The following PRRX2 variants were observed in gnomAD, a reference collection of about 807,000 sequenced individuals.
The protein encoded by PRRX2 is paired related homeobox 2.
PRRX2 carries 11 observed loss-of-function variants against 18.0 expected under a neutral mutation model. That is an observed-to-expected ratio of 0.61 (90% CI 0.39 to 1.01). The LOEUF is 1.01. Ranked by LOEUF, PRRX2 falls within the 50% of genes least tolerant of loss-of-function variation. The pLI is 0.01. For missense variants in PRRX2, 387 were observed against 351.0 expected (o/e 1.10, Z -0.82); for synonymous variants, 177 against 154.8 (o/e 1.14, Z -1.06).
At chr9:129,674,317 A>G (rs1199179135) in intron 1 of PRRX2, among the ~76,000 whole-genome samples, 2 of 152,152 alleles carry the variant, frequency 1.3e-5, no homozygotes, top group African/African-American at 2.4e-5. Flanking sequence ...TGTCCTAAAA[A>G]TGAAGCAGTC....
intron 1 of PRRX2, 122 bp downstream of exon 1, chr9:129,666,248 A>T (rs1305113662): frequency 2.5e-6 from 2 of 801,306 alleles, no homozygotes; most frequent in East Asian, 1.3e-4. Flanking sequence ...CGGCGGCAGG[A>T]CTTCTGGGGG....
rs1215369652 is a variant in PRRX2, at chr9:129,695,729, C to T, written c.260-23502C>T. Among the ~76,000 whole-genome samples, 2 of 152,196 alleles carry T rather than the reference C, an allele frequency of 1.3e-5. No individual in the cohort carries two copies. Among genetic ancestry groups the T allele is most frequent in the Non-Finnish European group, 2.9e-5 (2 of 68,044 alleles). The stretch of plus-strand genomic sequence containing the variant: ...AGATGCTTAGGCACATTCACCAGGC[C>T]ATTATGGGCCTCACTACCTTTAGGC... On this transcript the variant is annotated intron_variant, in intron 1 of 3. Transcript: ENST00000372469. The surrounding 1 kb of genome is among the most constrained non-coding windows in gnomAD (Gnocchi z 4.8).
At position 129,706,886 on chromosome 9, in the gene PRRX2, C is replaced by T. The variant is rs111476786; in HGVS notation, c.260-12345C>T. Among the ~76,000 whole-genome samples, 991 of 152,284 alleles carry T rather than the reference C, an allele frequency of 6.5e-3. 5 individuals are homozygous for T. Among genetic ancestry groups the T allele is most frequent in the African/African-American group, 0.022 (931 of 41,550 alleles). On this transcript the variant is annotated intron_variant, in intron 1 of 3. Transcript: ENST00000372469. ...CACTCTCCAGCATCCTCACTGCAGT[C>T]CCCCCAGCCCCAGCAGCTGCCAGTC...
Position 129,671,547 on chromosome 9 carries a change from A to G in PRRX2, c.259+5421A>G, listed in dbSNP as rs1832100568. Among the ~76,000 whole-genome samples, 1 of 152,136 alleles carries G rather than the reference A, an allele frequency of 6.6e-6. No individual in the cohort carries two copies. Among genetic ancestry groups the G allele is most frequent in the Non-Finnish European group, 1.5e-5 (1 of 68,016 alleles). ...AGCAGTAGTGACAGCGCCGGCTTACACACCTCCCTTGAGGCCTGAAAAGAA... is the reference window on the plus strand; with the variant it reads ...AGCAGTAGTGACAGCGCCGGCTTACGCACCTCCCTTGAGGCCTGAAAAGAA... On this transcript the variant is annotated intron_variant, in intron 1 of 3. Transcript: ENST00000372469. This position sits in a 1 kb window ranked among gnomAD's most constrained non-coding sequence, Gnocchi z 4.0.
chr9:129,715,902 G>A lies in PRRX2; in HGVS notation c.260-3329G>A, dbSNP rs1832701051. ...ACTGATTAAAAGCAGATATTCAGCA[G>A]TACCCATCACTGGGCCTGGCATGTT... On this transcript the variant is annotated intron_variant, in intron 1 of 3. Transcript: ENST00000372469. This position sits in a 1 kb window ranked among gnomAD's most constrained non-coding sequence, Gnocchi z 4.0. 6.6e-6 allele frequency among the ~76,000 whole-genome samples: 1 copy of A among 152,096 alleles called. No individual in the cohort carries two copies. Among genetic ancestry groups the A allele is most frequent in the Non-Finnish European group, 1.5e-5 (1 of 68,016 alleles).
chr9:129,678,871 T>G (rs1832193324), intron 1 of PRRX2, among the ~76,000 whole-genome samples: 1 of 152,186 alleles, frequency 6.6e-6, no homozygotes, highest in Admixed American at 6.5e-5. Context: ...TGTGTCTCAG[T>G]TGCCCAGAGC....
chr9:129,719,293 C>A lies in PRRX2; in HGVS notation c.322C>A (p.Arg108Ser). 6.2e-7 allele frequency: 1 copy of A among 1,610,934 alleles called. No homozygotes were observed. Among genetic ancestry groups the A allele is most frequent in the Non-Finnish European group, 8.5e-7 (1 of 1,179,096 alleles). The part of the protein sequence containing the change: ...AKRKKKQRRN[R>S]TTFNSSQLQA... ...GCGGAAGAAGAAGCAGCGGCGGAAC[C>A]GCACCACGTTCAACAGCAGCCAACT... The change falls in exon 2 of 4, where the codon CGC (arginine) becomes AGC (serine). Residue 108 changes from arginine (R) to serine (S), a missense_variant. Coordinates refer to ENST00000372469, the MANE Select transcript of PRRX2 (RefSeq NM_016307.4).
chr9:129,684,508 A>AGAAAT (rs1832277239), intron 1 of PRRX2, among the ~76,000 whole-genome samples: 1 of 53,848 alleles, frequency 1.9e-5, no homozygotes, highest in Admixed American at 1.7e-4. Context: ...ACACACACAC[A>AGAAAT]CACACACACA....
chr9:129,709,426 T>A lies in PRRX2; in HGVS notation c.260-9805T>A, dbSNP rs112795373. Among the ~76,000 whole-genome samples the A allele has an allele frequency of 6.4e-3, 977 of 152,178 alleles. 15 individuals carry two copies. Among genetic ancestry groups the A allele is most frequent in the African/African-American group, 0.022 (906 of 41,526 alleles). On this transcript the variant is annotated intron_variant, in intron 1 of 3. Coordinates refer to ENST00000372469, the MANE Select transcript of PRRX2 (RefSeq NM_016307.4). The surrounding 1 kb of genome is among the most constrained non-coding windows in gnomAD (Gnocchi z 4.2). ...CCAAACTCCAGGGTCATCCTGAGCC[T>A]GCGGAGGCCACACTAGCCACCATTC...
chr9:129,672,292 A>C (rs73670155), intron 1 of PRRX2, among the ~76,000 whole-genome samples: 1 of 152,066 alleles, frequency 6.6e-6, no homozygotes, highest in Non-Finnish European at 1.5e-5. Context: ...AGTGACCGGG[A>C]AGCCTCGTGG....
chr9:129,708,160 C>T (rs1287639302), intron 1 of PRRX2, among the ~76,000 whole-genome samples: 2 of 152,120 alleles, frequency 1.3e-5, no homozygotes, highest in Non-Finnish European at 2.9e-5. Context: ...CTCAGCCTCC[C>T]GAGTAACTGG....
chr9:129,673,214 T>C (rs1832121822), intron 1 of PRRX2, among the ~76,000 whole-genome samples: 1 of 152,206 alleles, frequency 6.6e-6, no homozygotes, highest in Admixed American at 6.5e-5. Flanking sequence ...TTTGGGAGGC[T>C]GAGGCTGGAG....
At chr9:129,694,578 C>T (rs538259877) in intron 1 of PRRX2, among the ~76,000 whole-genome samples, 9 of 152,262 alleles carry the variant, frequency 5.9e-5, no homozygotes, top group African/African-American at 1.2e-4. Context: ...AGGGAGGCAG[C>T]GCGGTTCAGG....
At chr9:129,688,219 T>G (rs952309146) in intron 1 of PRRX2, among the ~76,000 whole-genome samples, 3 of 151,806 alleles carry the variant, frequency 2.0e-5, no homozygotes, top group African/African-American at 7.3e-5. Context: ...GCCACTACCA[T>G]GCCTGGCTAA....
At chr9:129,700,313 AT>A (rs368281989) in intron 1 of PRRX2, among the ~76,000 whole-genome samples, 3 of 136,496 alleles carry the variant, frequency 2.2e-5, no homozygotes, top group South Asian at 2.4e-4. Flanking sequence ...GGGGTGCTGT[AT>A]TTTTTTTTGG....
At chr9:129,720,430 G>C (rs913594077) in intron 2 of PRRX2, among the ~76,000 whole-genome samples, 166 bp from the exon 3 acceptor site, 9 of 152,210 alleles carry the variant, frequency 5.9e-5, no homozygotes, top group Admixed American at 4.6e-4. Context: ...CACATACCCA[G>C]CAGCAGGCGT....
chr9:129,699,248 C>G (rs1440858406), intron 1 of PRRX2, among the ~76,000 whole-genome samples: 1 of 152,120 alleles, frequency 6.6e-6, no homozygotes, highest in African/African-American at 2.4e-5. Context: ...CATGGTGAAA[C>G]CTCGTCTAAA....
intron 3 of PRRX2, among the ~76,000 whole-genome samples, chr9:129,720,978 T>G (rs1314773437): frequency 6.6e-6 from 1 of 151,774 alleles, no homozygotes; most frequent in East Asian, 1.9e-4. Context: ...GTTGTAAGAG[T>G]TGGCATGTGT....
At chr9:129,669,937 C>G (rs1185520938) in intron 1 of PRRX2, among the ~76,000 whole-genome samples, 1 of 151,540 alleles carries the variant, frequency 6.6e-6, no homozygotes, top group Non-Finnish European at 1.5e-5. Flanking sequence ...CCACCACCAT[C>G]CATCTCCAGA....
Sources: gnomAD v4.1 joint callset for allele counts (sites outside exome capture counted in the v4.1 genomes callset) on GRCh38, gnomAD v4.1.1 for gene constraint, Gnocchi (gnomAD v3.1) non-coding constraint, MANE v1.5 for transcripts, NCBI Gene and HGNC (gene_info 2026-07-23, HGNC 2026-07-21) for gene names.